The following ZNF282 variants were observed in gnomAD, a reference collection of about 807,000 sequenced individuals.
ZNF282 encodes the protein zinc finger protein 282.
ZNF282 carries 30 observed loss-of-function variants against 61.9 expected under a neutral mutation model. The observed-to-expected ratio is 0.48, with a 90% confidence interval of 0.36 to 0.66. ZNF282 has a LOEUF of 0.66. Among genes scored for constraint, ZNF282 ranks in the 30% least tolerant of loss-of-function variants. The pLI, the probability that ZNF282 is intolerant of heterozygous loss-of-function variation, is 0.00. For synonymous variants in ZNF282, 396 were observed against 405.0 expected (o/e 0.98, Z 0.27); for missense variants, 788 against 941.4 (o/e 0.84, Z 2.13).
rs764604880 is a variant in ZNF282, at chr7:149,224,486, A to G, written c.1855A>G (p.Lys619Glu). The G allele has an allele frequency of 1.2e-6, 2 of 1,613,430 alleles. No homozygotes were observed. The highest frequency in any genetic ancestry group is 2.2e-5 in the South Asian group (2 of 91,082). Residue 619 changes from lysine (K) to glutamate (E), a missense_variant, in exon 8 of 8, where the codon AAG becomes GAG. Coordinates refer to ENST00000610704, the MANE Select transcript of ZNF282 (RefSeq NM_003575.4). ...CTTCATCCGCAAGCAGAACCTGCTCAAGCACCAGCGCATCCACACGGGCGA... is the reference window on the plus strand; with the variant it reads ...CTTCATCCGCAAGCAGAACCTGCTCGAGCACCAGCGCATCCACACGGGCGA... ...KSFIRKQNLL[K>E]HQRIHTGERP... is the part of the protein sequence containing the mutation.
intron 2 of ZNF282, among the ~76,000 whole-genome samples, chr7:149,199,297 GT>G (rs1411711171): frequency 6.6e-6 from 1 of 152,164 alleles, no homozygotes; most frequent in Non-Finnish European, 1.5e-5. Flanking sequence ...AGAGAACGGA[GT>G]CACCCAGAAG....
Position 149,202,486 on chromosome 7 carries a change from A to AT in ZNF282, c.585+3743dup, listed in dbSNP as rs1014026554. Among the ~76,000 whole-genome samples, 28 of 148,424 alleles carry AT rather than the reference A, an allele frequency of 1.9e-4. 1 individual carries two copies. Among genetic ancestry groups the AT allele is most frequent in the African/African-American group, 5.7e-4 (23 of 40,370 alleles). On this transcript the variant is annotated intron_variant, in intron 2 of 7. Coordinates refer to ENST00000610704, the MANE Select transcript of ZNF282 (RefSeq NM_003575.4). Reference sequence around the variant, plus strand: ...ATCACCACGCCCGGCTAATTTTTCTATTTTTTTTTAGTAGAGACGGGGTTT... The same window carrying AT: ...ATCACCACGCCCGGCTAATTTTTCTATTTTTTTTTTAGTAGAGACGGGGTTT...
chr7:149,196,807 C>T (rs1359410377), intron 1 of ZNF282, among the ~76,000 whole-genome samples: 2 of 152,144 alleles, frequency 1.3e-5, no homozygotes, highest in African/African-American at 2.4e-5. Flanking sequence ...GCACCTCTTA[C>T]TGGTATTACA....
In ZNF282 at chr7:149,223,949, G is replaced by C; in HGVS notation, c.1318G>C (p.Gly440Arg). ...CCCCATCGCGGTGGCCGAGAACCCG[G>C]GCGGCCCCCCGAGCCGAGGGCTGCT... The part of the protein sequence containing the change: ...LPPIAVAENP[G>R]GPPSRGLLDD... Residue 440 changes from glycine (G) to arginine (R), a missense_variant, in exon 8 of 8, where the codon GGC becomes CGC. By Grantham distance (125) the Gly-to-Arg change is moderately radical (BLOSUM62 -2). This residue lies in a region of ZNF282 where 559 missense variants were observed against 642.0 expected (regional missense o/e 0.87). Coordinates refer to ENST00000610704, the MANE Select transcript of ZNF282 (RefSeq NM_003575.4). 1 of 1,310,254 alleles carries C rather than the reference G, an allele frequency of 7.6e-7. No individual in the cohort carries two copies. The highest frequency in any genetic ancestry group is 3.1e-5 in the East Asian group (1 of 31,828). The allele number at this position is 1,310,254 out of a possible 1,614,324, so 81.2% of individuals were successfully genotyped here.
intron 7 of ZNF282, among the ~76,000 whole-genome samples, chr7:149,215,397 T>G (rs1048463034): frequency 2.0e-5 from 3 of 152,074 alleles, no homozygotes; most frequent in Non-Finnish European, 4.4e-5. Flanking sequence ...GAGACGAGGT[T>G]GCACCATGTT....
At chr7:149,214,756 C>T (rs900986069) in intron 7 of ZNF282, among the ~76,000 whole-genome samples, 30 of 152,266 alleles carry the variant, frequency 2.0e-4, no homozygotes, top group Admixed American at 7.8e-4. Flanking sequence ...TCGCTTGAGC[C>T]TGGGAGGTCA....
intron 1 of ZNF282, among the ~76,000 whole-genome samples, chr7:149,196,180 C>A (rs1795813744): frequency 6.6e-6 from 1 of 152,316 alleles, no homozygotes; most frequent in Non-Finnish European, 1.5e-5. Flanking sequence ...ACACGGTGGC[C>A]AATTTGACGG....
intron 7 of ZNF282, among the ~76,000 whole-genome samples, chr7:149,222,933 A>G (rs1796279744): frequency 1.3e-5 from 2 of 152,026 alleles, no homozygotes; most frequent in Non-Finnish European, 2.9e-5. Flanking sequence ...GGCGTGAGCC[A>G]CTGCGCCTGG....
rs1391436402 is a variant in ZNF282, at chr7:149,224,027, C to A, written c.1396C>A (p.Pro466Thr). The A allele has an allele frequency of 2.5e-6, 3 of 1,208,070 alleles. No homozygotes were observed. The highest frequency in any genetic ancestry group is 2.1e-6 in the Non-Finnish European group (2 of 972,334). The allele number at this position is 1,208,070 out of a possible 1,614,324, so 74.8% of individuals were successfully genotyped here. A position where few individuals can be genotyped will look rare whatever the true frequency, so the allele number is the denominator to read the frequency against. The change falls in exon 8 of 8, where the codon CCG (proline) becomes ACG (threonine). Residue 466 changes from proline to threonine, a missense_variant. Pro to Thr is a conservative substitution (Grantham distance 38). Around this residue, in one of 3 missense-constraint regions of ZNF282, gnomAD observed 559 missense variants for 642.0 expected, o/e 0.87. Coordinates refer to ENST00000610704, the MANE Select transcript of ZNF282 (RefSeq NM_003575.4). ...GGAGCGTGGCTCCGGCGAGGCGCCG[C>A]CGGGTGGGGACCGCAGCACCGGGGG... ...PGERGSGEAP[P>T]GGDRSTGGGG...
chr7:149,220,917 G>GT (rs764989538), intron 7 of ZNF282, among the ~76,000 whole-genome samples: 12,768 of 47,580 alleles, frequency 0.27, 1,069 homozygotes, highest in African/African-American at 0.35. Flanking sequence ...CCCCTGGAGG[G>GT]TTTTTTTTTT....
intron 2 of ZNF282, among the ~76,000 whole-genome samples, chr7:149,200,364 T>C (rs2129523057): frequency 6.6e-6 from 1 of 152,332 alleles, no homozygotes; most frequent in East Asian, 1.9e-4. Context: ...CAGCATTGTG[T>C]GTAGGTGACC....
At chr7:149,218,836 C>G (rs921855511) in intron 7 of ZNF282, among the ~76,000 whole-genome samples, 5 of 152,146 alleles carry the variant, frequency 3.3e-5, no homozygotes, top group South Asian at 2.1e-4. Context: ...ACAGTTTTAT[C>G]ACAGCAAAAG....
chr7:149,206,838 C>G lies in ZNF282; in HGVS notation c.712+16C>G, dbSNP rs757633342. 6.2e-7 allele frequency: 1 copy of G among 1,613,702 alleles called. No individual in the cohort carries two copies. Among genetic ancestry groups the G allele is most frequent in the South Asian group, 1.1e-5 (1 of 91,070 alleles). ...ATGTCCCTGGGTAAGGACACCTTCT[C>G]TCCTCTTTGGTGAGCCATCTCTGCA... On this transcript the variant is annotated intron_variant, in intron 3 of 7. Transcript: ENST00000610704.
rs927568741 is a variant in ZNF282 at position 149,225,021 on chromosome 7, C to A, written c.*374C>A. On this transcript the variant is annotated 3_prime_UTR_variant, in exon 8 of 8. Coordinates refer to ENST00000610704, the MANE Select transcript of ZNF282 (RefSeq NM_003575.4). ...GAAATCAGGTCCCAAGGTTAGGAGA[C>A]GCCCTGAAAAAAAGCGAAGGCCGAG... The A allele has an allele frequency of 3.0e-5, 8 of 264,086 alleles. No homozygotes were observed. The South Asian group carries it at 6.7e-4, about 22-fold the overall frequency. 16.4% of individuals were successfully genotyped at this position (264,086 alleles called of 1,614,324 possible). A position where few individuals can be genotyped will look rare whatever the true frequency, so the allele number is the denominator to read the frequency against.
At chr7:149,205,113 C>T (rs1342035072) in intron 2 of ZNF282, among the ~76,000 whole-genome samples, 1 of 151,160 alleles carries the variant, frequency 6.6e-6, no homozygotes, top group African/African-American at 2.4e-5. Flanking sequence ...GGAGACAGAG[C>T]GAGACTCCGT....
In ZNF282 at chr7:149,224,429, C is replaced by A; in HGVS notation, c.1798C>A (p.Arg600=). ...CCACCAGCGGCTGCACACGGGCGAG[C>A]GGCCTTTCCAATGTGCACTGTGCGG... The part of the protein sequence containing the change: ...QNHQRLHTGE[R]PFQCALCGKS... The change falls in exon 8 of 8, where the codon CGG becomes AGG. Residue 600 remains arginine, a synonymous_variant. Coordinates refer to ENST00000610704, the MANE Select transcript of ZNF282 (RefSeq NM_003575.4). The A allele has an allele frequency of 6.2e-7, 1 of 1,613,790 alleles. No homozygotes were observed. Among genetic ancestry groups the A allele is most frequent in the Non-Finnish European group, 8.5e-7 (1 of 1,179,926 alleles).
At chr7:149,202,150 C>CTTTTTTTT (rs35380773) in intron 2 of ZNF282, among the ~76,000 whole-genome samples, 1 of 126,568 alleles carries the variant, frequency 7.9e-6, no homozygotes, top group Non-Finnish European at 1.7e-5. Context: ...AGATATGCTT[C>CTTTTTTTT]TTTTTTTTTT....
At chr7:149,196,856 G>A (rs6464944) in intron 1 of ZNF282, among the ~76,000 whole-genome samples, 1,595 of 152,254 alleles carry the variant, frequency 0.01, 27 homozygotes, top group African/African-American at 0.036. Context: ...CCACTCTGCT[G>A]TGTCCCGGAG....
chr7:149,207,098 A>G (rs1441230001), intron 3 of ZNF282, among the ~76,000 whole-genome samples: 4 of 152,152 alleles, frequency 2.6e-5, no homozygotes, highest in Non-Finnish European at 4.4e-5. Flanking sequence ...CTCACCACGC[A>G]CCACATCCCA....
Sources: gnomAD v4.1 joint callset for allele counts (sites outside exome capture counted in the v4.1 genomes callset) on GRCh38, gnomAD v4.1.1 for gene constraint, gnomAD v4.1.1 regional missense constraint, MANE v1.5 for transcripts, NCBI Gene and HGNC (gene_info 2026-07-23, HGNC 2026-07-21) for gene names.